CELF4: variants seen among roughly 807,000 people sequenced by gnomAD.
CELF4 encodes CUGBP Elav-like family member 4.
A neutral mutation model predicts 59.9 loss-of-function variants in CELF4; 18 were observed. The ratio of observed to expected loss-of-function variants is 0.30; its 90% CI spans 0.21 to 0.45. The LOEUF (loss-of-function observed/expected upper bound fraction) is 0.45, where lower values mean the gene tolerates loss of function less well. Among genes scored for constraint, CELF4 ranks in the 20% least tolerant of loss-of-function variants. The pLI is 1.00. For missense variants in CELF4, 456 were observed against 689.0 expected, an observed-to-expected ratio of 0.66 and a Z score of 3.79; for synonymous variants, 261 against 267.1, an observed-to-expected ratio of 0.98 and a Z score of 0.22.
At chr18:37,475,005 AC>A (rs2099844765) in intron 2 of CELF4, among the ~76,000 whole-genome samples, 1 of 152,186 alleles carries the variant, frequency 6.6e-6, no homozygotes, top group Non-Finnish European at 1.5e-5. Context: ...GTGCATGAAT[AC>A]CCCAGTTCTC....
intron 1 of CELF4, among the ~76,000 whole-genome samples, chr18:37,536,689 C>CA (rs2099973770): frequency 1.3e-5 from 2 of 152,168 alleles, no homozygotes; most frequent in African/African-American, 4.8e-5. Context: ...GCCCTGGCCC[C>CA]AGTCCCCAGG....
chr18:37,363,753 ATC>A (rs2154561288), intron 2 of CELF4, among the ~76,000 whole-genome samples: 1 of 152,292 alleles, frequency 6.6e-6, no homozygotes, highest in East Asian at 1.9e-4. Flanking sequence ...AGTGGGCTGA[ATC>A]TTTGTGCACG....
chr18:37,478,568 A>G (rs1424089947), intron 2 of CELF4, among the ~76,000 whole-genome samples: 1 of 152,054 alleles, frequency 6.6e-6, no homozygotes, highest in Non-Finnish European at 1.5e-5. Flanking sequence ...GCAGGGAAGG[A>G]GAAAGTGGGC....
intron 1 of CELF4, among the ~76,000 whole-genome samples, chr18:37,490,885 C>G (rs1320937065): frequency 6.6e-6 from 1 of 152,118 alleles, no homozygotes; most frequent in African/African-American, 2.4e-5. Context: ...GATGGTTCTC[C>G]CGGCACCAGC....
intron 2 of CELF4, among the ~76,000 whole-genome samples, chr18:37,403,628 T>C (rs1028587515): frequency 1.3e-5 from 2 of 152,066 alleles, no homozygotes; most frequent in African/African-American, 4.8e-5. Flanking sequence ...TGCCTGACGG[T>C]GTGCAGTCCT....
chr18:37,397,160 C>G (rs1475756162), intron 2 of CELF4, among the ~76,000 whole-genome samples: 1 of 152,220 alleles, frequency 6.6e-6, no homozygotes, highest in Non-Finnish European at 1.5e-5. Context: ...TGCTGCTGTC[C>G]TCTCTGCAGA....
chr18:37,416,809 T>C (rs569980930), intron 2 of CELF4, among the ~76,000 whole-genome samples: 1 of 152,192 alleles, frequency 6.6e-6, no homozygotes, highest in South Asian at 2.1e-4. Flanking sequence ...CTGTCCTGTG[T>C]TGAGAAGGCG....
intron 2 of CELF4, among the ~76,000 whole-genome samples, chr18:37,354,229 C>T (rs942592172): frequency 3.3e-5 from 5 of 152,140 alleles, no homozygotes; most frequent in Non-Finnish European, 2.9e-5. Flanking sequence ...GAGGAAGCAC[C>T]GTTATCCCCA....
Position 37,565,539 on chromosome 18 carries a change from C to G in CELF4, c.103G>C (p.Gly35Arg). The change falls in exon 1 of 13, where the codon GGA becomes CGA. Residue 35 changes from glycine (G) to arginine (R), a missense_variant. Around this residue, in one of 7 missense-constraint regions of CELF4, gnomAD observed 70 missense variants for 69.5 expected, o/e 1.01. Transcript: ENST00000420428. Reference sequence around the variant, plus strand: ...GGGTTCCCCGGGCTGTGGCTTAATCCGTTCATGTGCCCGGCACTGCCCGGG... The same window carrying G: ...GGGTTCCCCGGGCTGTGGCTTAATCGGTTCATGTGCCCGGCACTGCCCGGG... ...SSPGSAGHMN[G>R]LSHSPGNPST... 1 of 1,614,182 alleles carries G rather than the reference C, an allele frequency of 6.2e-7. No homozygotes were observed. Among genetic ancestry groups the G allele is most frequent in the South Asian group, 1.1e-5 (1 of 91,072 alleles).
At chr18:37,371,608 G>A (rs1264406319) in intron 2 of CELF4, among the ~76,000 whole-genome samples, 1 of 152,218 alleles carries the variant, frequency 6.6e-6, no homozygotes, top group African/African-American at 2.4e-5. Context: ...GGCTCCTAGT[G>A]TAGGCTTTCT....
intron 12 of CELF4, among the ~76,000 whole-genome samples, chr18:37,247,666 TAC>T (rs947795557): frequency 6.6e-6 from 1 of 150,652 alleles, no homozygotes; most frequent in Non-Finnish European, 1.5e-5. Flanking sequence ...CATACACACA[TAC>T]ACACACACGG....
intron 1 of CELF4, among the ~76,000 whole-genome samples, chr18:37,519,590 C>T (rs986512916): frequency 7.9e-5 from 12 of 152,330 alleles, no homozygotes; most frequent in Non-Finnish European, 1.6e-4. Flanking sequence ...GTTCGTCAGT[C>T]TGCAGCAGTA....
chr18:37,344,286 C>T (rs762065275), intron 2 of CELF4, among the ~76,000 whole-genome samples: 4 of 152,360 alleles, frequency 2.6e-5, no homozygotes, highest in Non-Finnish European at 4.4e-5. Context: ...TGAGGACAGA[C>T]GTGGCTTACA....
intron 1 of CELF4, among the ~76,000 whole-genome samples, chr18:37,497,881 C>T (rs1400115776): frequency 6.6e-6 from 1 of 152,172 alleles, no homozygotes; most frequent in African/African-American, 2.4e-5. Context: ...GACTTATCAT[C>T]CCCATTTCAC....
At chr18:37,506,044 C>G (rs1008767050) in intron 1 of CELF4, among the ~76,000 whole-genome samples, 1 of 152,130 alleles carries the variant, frequency 6.6e-6, no homozygotes, top group Non-Finnish European at 1.5e-5. Flanking sequence ...AAGCCTCAGC[C>G]CTGGTTTGTT....
intron 3 of CELF4, among the ~76,000 whole-genome samples, chr18:37,280,854 C>T (rs1258303626): frequency 6.6e-6 from 1 of 152,224 alleles, no homozygotes; most frequent in African/African-American, 2.4e-5. Context: ...GACTTCAGGA[C>T]TCTTTTTAAT....
intron 1 of CELF4, among the ~76,000 whole-genome samples, chr18:37,536,656 G>A (rs773036504): frequency 3.3e-5 from 5 of 152,148 alleles, no homozygotes; most frequent in Non-Finnish European, 7.3e-5. Context: ...GCCCACCTGA[G>A]ATGGCACTGT....
intron 2 of CELF4, among the ~76,000 whole-genome samples, chr18:37,448,118 G>A (rs1302764886): frequency 2.0e-5 from 3 of 152,222 alleles, no homozygotes; most frequent in East Asian, 3.8e-4. Context: ...GCAGAGCATC[G>A]CATAGTCATT....
intron 1 of CELF4, among the ~76,000 whole-genome samples, chr18:37,510,858 C>A (rs1353703220): frequency 6.6e-6 from 1 of 152,216 alleles, no homozygotes; most frequent in Non-Finnish European, 1.5e-5. Context: ...TCAGTGCTGA[C>A]CCAGGGGCTG....
Sources: allele counts gnomAD v4.1 joint callset (sites outside exome capture counted in the v4.1 genomes callset), GRCh38; gene constraint gnomAD v4.1.1; regional missense constraint gnomAD v4.1.1; transcripts MANE v1.5; gene names NCBI Gene and HGNC (gene_info 2026-07-23, HGNC 2026-07-21).